The following PALM2AKAP2 variants were observed in gnomAD, a reference collection of about 807,000 sequenced individuals.
PALM2AKAP2 encodes PALM2 and AKAP2 fusion, also known as PALM2-AKAP2 fusion protein.
A neutral mutation model predicts 71.5 loss-of-function variants in PALM2AKAP2; 37 were observed. The observed-to-expected ratio is 0.52, with a 90% CI of 0.40 to 0.68. The LOEUF (loss-of-function observed/expected upper bound fraction) is 0.68. Among genes scored for constraint, PALM2AKAP2 ranks in the 30% least tolerant of loss-of-function variants. The pLI is 0.00. For missense variants in PALM2AKAP2, 1,224 were observed against 1,191.8 expected (o/e 1.03, Z -0.40); for synonymous variants, 468 against 478.8 (o/e 0.98, Z 0.29).
At chr9:110,170,306 T>G (rs566353905) in exon 4 of PALM2AKAP2, 1 of 152,780 alleles carries the variant, frequency 6.5e-6, no homozygotes, top group South Asian at 2.1e-4. Flanking sequence ...TAAAAATCAT[T>G]TTTGTTTTTA....
chr9:109,923,340 AACCT>A lies in PALM2AKAP2; in HGVS notation c.258-394_258-391del, dbSNP rs1266477637. ...AAGAATGGCCCTTTACTTTTTGACC[AACCT>A]GAGAGAGCACTTACTCTGAGCCGGT... On this transcript the variant is annotated intron_variant, in intron 3 of 9. Coordinates refer to the PALM2AKAP2 transcript ENST00000302798. Among the ~76,000 whole-genome samples, 3 of 152,340 alleles carry A rather than the reference AACCT, an allele frequency of 2.0e-5. No individual in the cohort carries two copies. In the East Asian group the frequency reaches 5.8e-4, roughly 29 times the overall value.
At position 109,651,735 on chromosome 9, in the gene PALM2AKAP2, T is replaced by C. The variant is rs552713718; in HGVS notation, c.5+10869T>C. Among the ~76,000 whole-genome samples, 156 of 152,338 alleles carry C rather than the reference T, an allele frequency of 1.0e-3. 1 individual carries two copies. The highest frequency in any genetic ancestry group is 3.6e-3 in the African/African-American group (149 of 41,578). On this transcript the variant is annotated intron_variant, in intron 1 of 6. Transcript: ENST00000374531. ...GAAGGAGACACTCCTATTCCACAGA[T>C]ATCAAAGTGCTCATTTACTTCCCAC...
At chr9:109,933,827 G>A (rs908725983) in intron 6 of PALM2AKAP2, among the ~76,000 whole-genome samples, 5 of 152,162 alleles carry the variant, frequency 3.3e-5, no homozygotes, top group Non-Finnish European at 2.9e-5. Context: ...TATTTGTTAC[G>A]ATGAACTCCT....
intron 1 of PALM2AKAP2, among the ~76,000 whole-genome samples, chr9:109,744,982 T>A (rs1038221705): frequency 1.3e-5 from 2 of 152,176 alleles, no homozygotes; most frequent in Non-Finnish European, 2.9e-5. Context: ...TCAGTCCCAA[T>A]AATTTTTGGC....
chr9:109,830,833 G>A (rs563440025), intron 1 of PALM2AKAP2, among the ~76,000 whole-genome samples: 18 of 152,278 alleles, frequency 1.2e-4, no homozygotes, highest in East Asian at 7.7e-4. Flanking sequence ...TGAAGGTCAC[G>A]CAGTCAGCAT....
At chr9:109,776,734 A>G (rs574171248), upstream of PALM2AKAP2, among the ~76,000 whole-genome samples, 8 of 152,328 alleles carry the variant, frequency 5.3e-5, no homozygotes, top group Admixed American at 2.6e-4. Flanking sequence ...AGGAAAAAAA[A>G]ATGTGTATAT....
Position 109,897,437 on chromosome 9 carries a change from G to A in PALM2AKAP2, c.257+16756G>A, listed in dbSNP as rs377730973. ...TCTACTAAAAATACAAAAATTAGCCGGGCATGGTGGCGGGTGCCTGTAATC... is the reference window on the plus strand; with the variant it reads ...TCTACTAAAAATACAAAAATTAGCCAGGCATGGTGGCGGGTGCCTGTAATC... On this transcript the variant is annotated intron_variant, in intron 3 of 9. Transcript: ENST00000302798. 1.5e-3 allele frequency among the ~76,000 whole-genome samples: 229 copies of A among 151,932 alleles called. 1 individual carries two copies. Among genetic ancestry groups the A allele is most frequent in the African/African-American group, 4.9e-3 (201 of 41,424 alleles).
At chr9:109,847,108 G>A (rs182940635) in intron 1 of PALM2AKAP2, among the ~76,000 whole-genome samples, 7 of 151,222 alleles carry the variant, frequency 4.6e-5, no homozygotes, top group Admixed American at 4.0e-4. Context: ...GGACCTATGT[G>A]TGTGACCTTA....
intron 1 of PALM2AKAP2, among the ~76,000 whole-genome samples, chr9:109,725,039 A>G (rs962936969): frequency 6.6e-6 from 1 of 152,206 alleles, no homozygotes; most frequent in African/African-American, 2.4e-5. Context: ...AATTTATACA[A>G]GAAGAAATGC....
chr9:109,693,354 T>C (rs1827925142), intron 1 of PALM2AKAP2, among the ~76,000 whole-genome samples: 1 of 151,984 alleles, frequency 6.6e-6, no homozygotes, highest in Non-Finnish European at 1.5e-5. Context: ...GTCTGCTCTT[T>C]TCTGATCAGT....
intron 1 of PALM2AKAP2, among the ~76,000 whole-genome samples, chr9:109,835,174 T>C (rs561574600): frequency 1.7e-4 from 24 of 144,994 alleles, no homozygotes; most frequent in Admixed American, 6.2e-4. Flanking sequence ...GAGGAGAGGG[T>C]GTAGGGAAAG....
chr9:109,740,346 G>T (rs1201110476), intron 1 of PALM2AKAP2, among the ~76,000 whole-genome samples: 3 of 152,200 alleles, frequency 2.0e-5, no homozygotes, highest in Non-Finnish European at 4.4e-5. Context: ...TAAGTAGGGT[G>T]AGTGAGGATA....
intron 6 of PALM2AKAP2, among the ~76,000 whole-genome samples, chr9:109,981,514 A>G (rs1239507235): frequency 2.6e-5 from 4 of 152,226 alleles, no homozygotes; most frequent in Non-Finnish European, 4.4e-5. Flanking sequence ...AGCTTTAATC[A>G]AGATATTCTG....
intron 2 of PALM2AKAP2, among the ~76,000 whole-genome samples, chr9:110,142,828 T>G (rs1836067324): frequency 6.6e-6 from 1 of 152,230 alleles, no homozygotes; most frequent in African/African-American, 2.4e-5. Context: ...ATCAATCATG[T>G]TAAGGGTTGT....
chr9:109,987,413 G>A (rs984512231), intron 6 of PALM2AKAP2, among the ~76,000 whole-genome samples: 3 of 152,152 alleles, frequency 2.0e-5, no homozygotes, highest in African/African-American at 7.2e-5. Context: ...ACAGGCATGA[G>A]CCACCATGAC....
At chr9:109,777,154 G>A (rs557601151), upstream of PALM2AKAP2, among the ~76,000 whole-genome samples, 5 of 152,262 alleles carry the variant, frequency 3.3e-5, no homozygotes, top group East Asian at 3.9e-4. Context: ...ATGACTCTTT[G>A]TTCAATTGGG....
chr9:110,074,229 A>G (rs1250558032), intron 1 of PALM2AKAP2, among the ~76,000 whole-genome samples: 1 of 152,220 alleles, frequency 6.6e-6, no homozygotes, highest in Admixed American at 6.5e-5. Context: ...GCTCACACCT[A>G]TAATCCTAGC....
chr9:109,678,526 A>T (rs186087765), intron 1 of PALM2AKAP2, among the ~76,000 whole-genome samples: 4 of 152,338 alleles, frequency 2.6e-5, no homozygotes, highest in Admixed American at 1.3e-4. Context: ...GAGCGAAGCA[A>T]AGCACTTGTT....
intron 6 of PALM2AKAP2, among the ~76,000 whole-genome samples, chr9:110,002,559 G>C (rs938481756): frequency 2.0e-5 from 3 of 152,132 alleles, no homozygotes; most frequent in African/African-American, 7.3e-5. Flanking sequence ...ATGAGTTAGG[G>C]ATGATTCCCT....
Sources: allele counts gnomAD v4.1 joint callset (sites outside exome capture counted in the v4.1 genomes callset), GRCh38; gene constraint gnomAD v4.1.1; transcripts MANE v1.5; gene names NCBI Gene and HGNC (gene_info 2026-07-23, HGNC 2026-07-21).